SEMA3D: variants seen among roughly 807,000 people sequenced by gnomAD.
The protein encoded by SEMA3D is semaphorin-3D.
In SEMA3D, 84 loss-of-function variants were observed where a neutral mutation model predicts 100.1. That is an observed-to-expected ratio of 0.84 (90% CI 0.70 to 1.01). The LOEUF is 1.01. Ranked by LOEUF, SEMA3D falls within the 50% of genes least tolerant of loss-of-function variation. The pLI, the probability that SEMA3D is intolerant of heterozygous loss-of-function variation, is 0.00. For synonymous variants in SEMA3D, 312 were observed against 320.7 expected (o/e 0.97, Z 0.29); for missense variants, 875 against 934.1 (o/e 0.94, Z 0.82).
At chr7:85,237,611 T>G in the SEMA3D span, among the ~76,000 whole-genome samples, 2 of 152,224 alleles carry the variant, frequency 1.3e-5, no homozygotes, top group East Asian at 3.8e-4. Context: ...CATGGCTTGA[T>G]AGCTAATTTC....
rs1584525759 is a variant in SEMA3D, at chr7:85,016,253, T to C, written c.1546-1037A>G. 7.9e-5 allele frequency among the ~76,000 whole-genome samples: 5 copies of C among 63,316 alleles called. 1 individual carries two copies. The allele number at this position is 63,316 out of a possible 152,430, so 41.5% of individuals were successfully genotyped here. A position where few individuals can be genotyped will look rare whatever the true frequency, so the allele number is the denominator to read the frequency against. Reference sequence around the variant, plus strand: ...ACATTTGTCTCCTTTGTGATTCCTTTTTTTTTTTTTTTTGCATTAAATGTT... The same window carrying C: ...ACATTTGTCTCCTTTGTGATTCCTTCTTTTTTTTTTTTTGCATTAAATGTT... On this transcript the variant is annotated intron_variant, in intron 15 of 18. Coordinates refer to ENST00000284136, the MANE Select transcript of SEMA3D (RefSeq NM_001384900.1).
intron 2 of SEMA3D, among the ~76,000 whole-genome samples, chr7:85,132,267 T>C (rs1225113545): frequency 6.6e-6 from 1 of 151,910 alleles, no homozygotes; most frequent in African/African-American, 2.4e-5. Context: ...AAAAATTATT[T>C]TATTGACTAT....
At chr7:85,225,138 T>G in the SEMA3D span, among the ~76,000 whole-genome samples, 2 of 135,140 alleles carry the variant, frequency 1.5e-5, no homozygotes, top group Non-Finnish European at 3.1e-5. Context: ...AATAAATATA[T>G]ATATAAAATA....
upstream of SEMA3D, among the ~76,000 whole-genome samples, chr7:85,189,394 A>G (rs1237696463): frequency 3.3e-5 from 5 of 152,208 alleles, no homozygotes; most frequent in African/African-American, 9.6e-5. Context: ...TTTGAGATCT[A>G]CTTTCATCAA....
intron 12 of SEMA3D, chr7:85,029,191 C>T: frequency 1.4e-6 from 1 of 690,012 alleles, no homozygotes; most frequent in East Asian, 2.7e-5. Flanking sequence ...GGCGTACCTC[C>T]TGCACACCAT....
chr7:85,148,248 TTC>T (rs1166976177), intron 2 of SEMA3D, among the ~76,000 whole-genome samples: 1 of 152,190 alleles, frequency 6.6e-6, no homozygotes, highest in Non-Finnish European at 1.5e-5. Context: ...TCTGTGAGAA[TTC>T]TCTGTCATCA....
At chr7:85,063,396 C>A (rs1791528933) in intron 8 of SEMA3D, among the ~76,000 whole-genome samples, 1 of 152,192 alleles carries the variant, frequency 6.6e-6, no homozygotes, top group Admixed American at 6.5e-5. Flanking sequence ...GTCAGTTTTT[C>A]TGCATCATAA....
intron 11 of SEMA3D, among the ~76,000 whole-genome samples, chr7:85,039,969 CTTTTT>C (rs776990536): frequency 5.2e-4 from 47 of 90,622 alleles, no homozygotes; most frequent in African/African-American, 6.4e-4. Context: ...TACGCAAACA[CTTTTT>C]TTTTTTTTTT....
At chr7:85,231,470 C>T in the SEMA3D span, among the ~76,000 whole-genome samples, 10 of 97,896 alleles carry the variant, frequency 1.0e-4, no homozygotes, top group Non-Finnish European at 1.3e-4. Context: ...TTTTTTGAGA[C>T]GGAGTCTCGC....
At chr7:85,218,650 A>G in the SEMA3D span, among the ~76,000 whole-genome samples, 2 of 152,112 alleles carry the variant, frequency 1.3e-5, no homozygotes, top group African/African-American at 4.8e-5. Context: ...TTAACAGATA[A>G]TTTATTTAAT....
the SEMA3D span, among the ~76,000 whole-genome samples, chr7:85,238,549 C>T: frequency 1.3e-5 from 2 of 152,150 alleles, no homozygotes; most frequent in African/African-American, 2.4e-5. Context: ...TTCTATTCTA[C>T]CAATCTGTCT....
At chr7:85,105,597 C>T (rs965910271) in intron 3 of SEMA3D, among the ~76,000 whole-genome samples, 1 of 152,036 alleles carries the variant, frequency 6.6e-6, no homozygotes, top group African/African-American at 2.4e-5. Context: ...TTCAAAATTG[C>T]AGGTGAATAT....
At chr7:85,219,506 T>G in the SEMA3D span, among the ~76,000 whole-genome samples, 1 of 152,078 alleles carries the variant, frequency 6.6e-6, no homozygotes, top group Non-Finnish European at 1.5e-5. Flanking sequence ...TATCATATGG[T>G]AAATATATGT....
At chr7:85,020,383 T>C in intron 13 of SEMA3D, 62 bp from the exon 14 acceptor site, 1 of 1,186,476 alleles carries the variant, frequency 8.4e-7, no homozygotes. Context: ...GGTAAGCATA[T>C]CCCTAGAAAC....
intron 1 of SEMA3D, among the ~76,000 whole-genome samples, chr7:85,182,657 A>G (rs1379198844): frequency 1.3e-5 from 2 of 152,200 alleles, no homozygotes; most frequent in Non-Finnish European, 1.5e-5. Context: ...GATTTTGGCC[A>G]TGTTTCCTGG....
intron 9 of SEMA3D, among the ~76,000 whole-genome samples, chr7:85,046,958 A>G (rs1161349275): frequency 6.6e-6 from 1 of 151,934 alleles, no homozygotes; most frequent in Non-Finnish European, 1.5e-5. Flanking sequence ...TACACTATTT[A>G]TCATTCACTT....
At chr7:85,151,504 G>A (rs533846676) in intron 2 of SEMA3D, 15 of 364,662 alleles carry the variant, frequency 4.1e-5, no homozygotes, top group Non-Finnish European at 5.7e-5. Flanking sequence ...CAGAACTAGG[G>A]AGTTCTTAAT....
Position 85,171,769 on chromosome 7 carries a change from TA to T in SEMA3D, c.-173+14908del, listed in dbSNP as rs547420984. ...AATACGTATTCACTAAAGTAATAAA[TA>T]AAATTACATAAGGAATGAGTGAATT... On this transcript the variant is annotated intron_variant, in intron 1 of 18. Coordinates refer to ENST00000284136, the MANE Select transcript of SEMA3D (RefSeq NM_001384900.1). Among the ~76,000 whole-genome samples, 479 of 151,916 alleles carry T rather than the reference TA, an allele frequency of 3.2e-3. 8 individuals carry two copies. Among genetic ancestry groups the T allele is most frequent in the Admixed American group, 0.027 (416 of 15,220 alleles).
In SEMA3D at chr7:84,999,125, C is replaced by A; in HGVS notation, c.*315G>T. 1 of 341,518 alleles carries A rather than the reference C, an allele frequency of 2.9e-6. No homozygotes were observed. Among genetic ancestry groups the A allele is most frequent in the Non-Finnish European group, 5.4e-6 (1 of 185,866 alleles). 21.2% of individuals were successfully genotyped at this position (341,518 alleles called of 1,614,324 possible). ...AAAGCACCTTATACACTATCAAATTCGGGGCTTGCTTAGCTCAACTATTTA... is the reference window on the plus strand; with the variant it reads ...AAAGCACCTTATACACTATCAAATTAGGGGCTTGCTTAGCTCAACTATTTA... On this transcript the variant is annotated 3_prime_UTR_variant, in exon 19 of 19. Coordinates refer to ENST00000284136, the MANE Select transcript of SEMA3D (RefSeq NM_001384900.1).
Sources: allele counts gnomAD v4.1 joint callset (sites outside exome capture counted in the v4.1 genomes callset), GRCh38; gene constraint gnomAD v4.1.1; transcripts MANE v1.5; gene names NCBI Gene and HGNC (gene_info 2026-07-23, HGNC 2026-07-21).